ANKRD44: variants seen among roughly 807,000 people sequenced by gnomAD.
ANKRD44 encodes serine/threonine-protein phosphatase 6 regulatory ankyrin repeat subunit B.
A neutral mutation model predicts 116.0 loss-of-function variants in ANKRD44; 35 were observed. The ratio of observed to expected loss-of-function variants is 0.30; its 90% CI spans 0.23 to 0.40. ANKRD44 has a LOEUF of 0.40. ANKRD44 is among the 10% of genes least tolerant of loss of function. ANKRD44 has a pLI of 1.00. For synonymous variants in ANKRD44, 435 were observed against 461.8 expected (o/e 0.94, Z 0.74); for missense variants, 1,014 against 1,242.6 (o/e 0.82, Z 2.77).
chr2:197,047,869 C>T (rs1337591173), intron 16 of ANKRD44, among the ~76,000 whole-genome samples: 2 of 151,340 alleles, frequency 1.3e-5, no homozygotes, highest in African/African-American at 2.4e-5. Context: ...AAGATTGTGC[C>T]ATTGCACTCT....
intron 2 of ANKRD44, among the ~76,000 whole-genome samples, chr2:197,150,964 T>A (rs1329566180): frequency 6.6e-6 from 1 of 152,120 alleles, no homozygotes; most frequent in Non-Finnish European, 1.5e-5. Flanking sequence ...AGATGCCTTG[T>A]CCCGGGTTCT....
At chr2:197,024,669 G>T (rs2076557646) in intron 17 of ANKRD44, among the ~76,000 whole-genome samples, 1 of 152,194 alleles carries the variant, frequency 6.6e-6, no homozygotes. Context: ...CCCAGTACAA[G>T]AATCAGAGCC....
At chr2:197,107,699 G>A (rs960839337) in intron 9 of ANKRD44, among the ~76,000 whole-genome samples, 1 of 152,192 alleles carries the variant, frequency 6.6e-6, no homozygotes, top group African/African-American at 2.4e-5. Context: ...ATGTTTAGTT[G>A]CTTCAGGGAG....
At chr2:197,026,353 G>A (rs767187348) in intron 16 of ANKRD44, among the ~76,000 whole-genome samples, 8 of 152,186 alleles carry the variant, frequency 5.3e-5, no homozygotes, top group Admixed American at 6.5e-5. Context: ...CAAAGAACTC[G>A]AGGGGAGATT....
intron 1 of ANKRD44, among the ~76,000 whole-genome samples, chr2:197,302,747 G>A (rs1372424212): frequency 2.0e-5 from 3 of 152,170 alleles, no homozygotes; most frequent in East Asian, 1.9e-4. Context: ...ACAGAGGCTG[G>A]TGATTACATG....
In ANKRD44 at chr2:197,005,806, A is replaced by G; in HGVS notation, c.2235T>C (p.Ala745=). The change falls in exon 21 of 28, where the codon GCT becomes GCC. Residue 745 remains alanine (A), a synonymous_variant. Transcript: ENST00000282272. ...CGCTCAGCCACGTGGCGTGGCCACG[A>G]GCAGCTGCATAGTGCAAGGGCGTCC... ...RGRTPLHYAA[A]RGHATWLSEL... The G allele has an allele frequency of 6.2e-7, 1 of 1,614,296 alleles. No homozygotes were observed. The highest frequency in any genetic ancestry group is 1.3e-5 in the African/African-American group (1 of 75,088).
chr2:197,236,298 G>GAT (rs1454666269), intron 1 of ANKRD44, among the ~76,000 whole-genome samples: 2 of 152,118 alleles, frequency 1.3e-5, no homozygotes, highest in Non-Finnish European at 2.9e-5. Context: ...CTAGTTAGAA[G>GAT]ATAGGTAAAG....
chr2:197,194,463 TC>T (rs1258061894), intron 1 of ANKRD44, among the ~76,000 whole-genome samples: 1 of 152,204 alleles, frequency 6.6e-6, no homozygotes, highest in African/African-American at 2.4e-5. Flanking sequence ...GGAAATGAAT[TC>T]CCTGTTTGGA....
At chr2:197,106,481 T>C (rs184235179) in intron 9 of ANKRD44, among the ~76,000 whole-genome samples, 50 of 151,654 alleles carry the variant, frequency 3.3e-4, no homozygotes, top group Admixed American at 2.4e-3. Flanking sequence ...TATGTGCTTT[T>C]GTTATCATTT....
intron 1 of ANKRD44, among the ~76,000 whole-genome samples, chr2:197,227,860 G>C (rs930906236): frequency 1.3e-5 from 2 of 152,110 alleles, no homozygotes; most frequent in Admixed American, 1.3e-4. Context: ...CAAATAAAGA[G>C]ACAATTAAAT....
intron 9 of ANKRD44, among the ~76,000 whole-genome samples, chr2:197,102,055 A>C (rs181423866): frequency 4.9e-4 from 74 of 152,212 alleles, no homozygotes; most frequent in African/African-American, 1.8e-3. Context: ...CTTTGCAAAA[A>C]AAAACAAAAA....
chr2:196,967,848 C>A (rs2075684875), intron 21 of ANKRD44, among the ~76,000 whole-genome samples: 1 of 151,870 alleles, frequency 6.6e-6, no homozygotes, highest in Non-Finnish European at 1.5e-5. Context: ...GAATTGTAAT[C>A]CCCAATGCTG....
intron 23 of ANKRD44, 26 bp from the exon 24 acceptor site, chr2:196,999,078 T>A (rs1159893136): frequency 6.2e-7 from 1 of 1,610,982 alleles, no homozygotes; most frequent in South Asian, 1.1e-5. Context: ...AAGTATCACT[T>A]TAGTTTCCTT....
chr2:197,136,993 C>T (rs1374411497), intron 3 of ANKRD44, among the ~76,000 whole-genome samples: 1 of 152,166 alleles, frequency 6.6e-6, no homozygotes, highest in Non-Finnish European at 1.5e-5. Flanking sequence ...TGAGCCAAAA[C>T]CAGCTCACAC....
At chr2:197,308,397 GA>G (rs2084139224) in intron 1 of ANKRD44, among the ~76,000 whole-genome samples, 1 of 152,110 alleles carries the variant, frequency 6.6e-6, no homozygotes, top group East Asian at 1.9e-4. Context: ...GTCTCAAACA[GA>G]AAAGGTAAGA....
At chr2:197,119,439 G>A (rs1378222084) in intron 8 of ANKRD44, among the ~76,000 whole-genome samples, 1 of 152,098 alleles carries the variant, frequency 6.6e-6, no homozygotes, top group Non-Finnish European at 1.5e-5. Context: ...TTTACAGACA[G>A]GATCTCACTA....
At chr2:197,063,704 C>A (rs571675388) in intron 16 of ANKRD44, among the ~76,000 whole-genome samples, 3 of 152,000 alleles carry the variant, frequency 2.0e-5, no homozygotes, top group Non-Finnish European at 4.4e-5. Context: ...ACAGTATCAG[C>A]GATTGAAGAT....
intron 2 of ANKRD44, among the ~76,000 whole-genome samples, chr2:197,182,089 G>T (rs774127774): frequency 1.3e-5 from 2 of 152,102 alleles, no homozygotes; most frequent in Admixed American, 6.5e-5. Flanking sequence ...TGCCTTTATT[G>T]AATTCAAATT....
intron 16 of ANKRD44, among the ~76,000 whole-genome samples, chr2:197,060,787 G>A (rs2077295249): frequency 6.6e-6 from 1 of 152,056 alleles, no homozygotes; most frequent in South Asian, 2.1e-4. Flanking sequence ...TGCAGTATTT[G>A]TCTGACTGGC....
Sources: allele counts gnomAD v4.1 joint callset (sites outside exome capture counted in the v4.1 genomes callset), GRCh38; gene constraint gnomAD v4.1.1; transcripts MANE v1.5; gene names NCBI Gene and HGNC (gene_info 2026-07-23, HGNC 2026-07-21).